CNTNAP2: variants seen among roughly 807,000 people sequenced by gnomAD.
The protein encoded by CNTNAP2 is contactin-associated protein-like 2.
In CNTNAP2, 98 loss-of-function variants were observed where a neutral mutation model predicts 155.2. That is an observed-to-expected ratio of 0.63 (90% CI 0.54 to 0.75). The LOEUF (loss-of-function observed/expected upper bound fraction) is 0.75. CNTNAP2 is among the 30% of genes least tolerant of loss of function. CNTNAP2 has a pLI of 0.00. For missense variants in CNTNAP2, 1,727 were observed against 1,688.1 expected (o/e 1.02, Z -0.40); for synonymous variants, 651 against 631.2 (o/e 1.03, Z -0.47).
intron 1 of CNTNAP2, among the ~76,000 whole-genome samples, chr7:146,258,592 T>A (rs111393750): frequency 0.041 from 6,307 of 152,254 alleles, 399 homozygotes; most frequent in African/African-American, 0.14. Flanking sequence ...CATATAGTGA[T>A]GGATCAAATA....
intron 21 of CNTNAP2, among the ~76,000 whole-genome samples, chr7:148,275,293 A>G (rs1429652864): frequency 6.6e-6 from 1 of 152,178 alleles, no homozygotes; most frequent in African/African-American, 2.4e-5. Context: ...GAAAAGAAGT[A>G]TAGAATTCTT....
intron 13 of CNTNAP2, among the ~76,000 whole-genome samples, chr7:147,871,853 ATC>A (rs1554443955): frequency 2.0e-5 from 3 of 152,014 alleles, no homozygotes; most frequent in African/African-American, 7.3e-5. Flanking sequence ...TGCTTCAATG[ATC>A]TCTGTCTTTA....
intron 13 of CNTNAP2, among the ~76,000 whole-genome samples, chr7:147,848,229 C>T (rs1353916221): frequency 6.9e-6 from 1 of 145,774 alleles, no homozygotes; most frequent in Non-Finnish European, 1.5e-5. Flanking sequence ...TCTCAGACTG[C>T]TGTGCTAGCA....
intron 1 of CNTNAP2, among the ~76,000 whole-genome samples, chr7:146,431,290 C>T (rs543919942): frequency 3.9e-5 from 6 of 151,962 alleles, no homozygotes; most frequent in Non-Finnish European, 8.8e-5. Context: ...GAAAATTTAT[C>T]ATGCATTCTC....
chr7:146,661,564 TATG>T (rs1402490561), intron 1 of CNTNAP2, among the ~76,000 whole-genome samples: 3 of 67,474 alleles, frequency 4.4e-5, no homozygotes, highest in African/African-American at 2.0e-4. Flanking sequence ...TTTCATTTAA[TATG>T]ATGCTCTTGA....
chr7:146,720,965 G>T (rs1281969730), intron 1 of CNTNAP2, among the ~76,000 whole-genome samples: 32 of 109,964 alleles, frequency 2.9e-4, no homozygotes, highest in African/African-American at 1.1e-3. Flanking sequence ...TATATATACA[G>T]TATATATATA....
At chr7:147,567,168 G>C (rs898498572) in intron 12 of CNTNAP2, among the ~76,000 whole-genome samples, 40 of 152,238 alleles carry the variant, frequency 2.6e-4, no homozygotes, top group Middle Eastern at 3.4e-3. Context: ...GCAATTAGGG[G>C]GTGTTCTAAA....
chr7:146,524,881 C>T (rs1797665443), intron 1 of CNTNAP2, among the ~76,000 whole-genome samples: 1 of 151,932 alleles, frequency 6.6e-6, no homozygotes, highest in Admixed American at 6.6e-5. Context: ...GGAGAGTGTG[C>T]AAGGGCTCTC....
chr7:146,997,053 A>G (rs907911397), intron 3 of CNTNAP2, among the ~76,000 whole-genome samples: 4 of 152,120 alleles, frequency 2.6e-5, no homozygotes, highest in African/African-American at 9.7e-5. Flanking sequence ...TGGAACTCTG[A>G]GTCCATTAAA....
intron 13 of CNTNAP2, among the ~76,000 whole-genome samples, chr7:147,895,152 T>A (rs1329762775): frequency 3.3e-5 from 5 of 150,260 alleles, no homozygotes; most frequent in African/African-American, 1.2e-4. Flanking sequence ...TTTTGTATTT[T>A]TAGTAGAAAC....
chr7:147,464,465 T>TAAAA (rs71183005), intron 10 of CNTNAP2, among the ~76,000 whole-genome samples: 15 of 65,950 alleles, frequency 2.3e-4, no homozygotes, highest in Admixed American at 5.8e-4. Flanking sequence ...AGACTCCATC[T>TAAAA]AAAAAAAAAA....
intron 15 of CNTNAP2, among the ~76,000 whole-genome samples, chr7:148,074,141 C>T (rs1174113605): frequency 6.6e-6 from 1 of 152,142 alleles, no homozygotes; most frequent in East Asian, 1.9e-4. Flanking sequence ...CTTAAGAGAG[C>T]CCGTTATTGG....
At chr7:147,176,140 G>T (rs924557653) in intron 8 of CNTNAP2, among the ~76,000 whole-genome samples, 1 of 152,110 alleles carries the variant, frequency 6.6e-6, no homozygotes. Flanking sequence ...GTAATGATTC[G>T]GTTTAATGAG....
chr7:146,407,766 G>T (rs73455065), intron 1 of CNTNAP2, among the ~76,000 whole-genome samples: 4,434 of 151,970 alleles, frequency 0.029, 206 homozygotes, highest in African/African-American at 0.1. Context: ...CTGTAATGTG[G>T]ATCTTCTTCT....
chr7:148,055,399 C>A (rs972851285), intron 15 of CNTNAP2, among the ~76,000 whole-genome samples: 1 of 152,106 alleles, frequency 6.6e-6, no homozygotes, highest in Admixed American at 6.5e-5. Context: ...AGGCTATGCA[C>A]CCGTGTCATC....
intron 21 of CNTNAP2, among the ~76,000 whole-genome samples, chr7:148,301,306 A>AAAAAAATATATAT: frequency 5.6e-4 from 58 of 103,842 alleles, no homozygotes; most frequent in African/African-American, 2.2e-3. Context: ...AAAAAAAAAA[A>AAAAAAATATATAT]ATATATATAT....
chr7:146,785,686 A>G (rs1280795558), intron 2 of CNTNAP2, among the ~76,000 whole-genome samples: 2 of 152,236 alleles, frequency 1.3e-5, no homozygotes, highest in African/African-American at 4.8e-5. Flanking sequence ...CAACGCAATT[A>G]TCATCATAAA....
rs73473010 is a variant in CNTNAP2, at chr7:147,173,422, T to C, written c.1348+40913T>C. Among the ~76,000 whole-genome samples, 910 of 152,200 alleles carry C rather than the reference T, an allele frequency of 6.0e-3. 15 individuals carry two copies. Among genetic ancestry groups the C allele is most frequent in the African/African-American group, 0.021 (874 of 41,490 alleles). On this transcript the variant is annotated intron_variant, in intron 8 of 23. Transcript: ENST00000361727. ...AAACAATTTGAAACTTATAATGAGA[T>C]CCAGAACTAGTACTGACTTTGAATC...
At chr7:147,514,715 T>C (rs1051844963) in intron 11 of CNTNAP2, among the ~76,000 whole-genome samples, 1 of 151,938 alleles carries the variant, frequency 6.6e-6, no homozygotes. Context: ...GAGAAGAGAA[T>C]GGGCCATCCT....
Sources: allele counts gnomAD v4.1 joint callset (sites outside exome capture counted in the v4.1 genomes callset), GRCh38; gene constraint gnomAD v4.1.1; transcripts MANE v1.5; gene names NCBI Gene and HGNC (gene_info 2026-07-23, HGNC 2026-07-21).